SV2C: variants seen among roughly 807,000 people sequenced by gnomAD.
SV2C encodes synaptic vesicle glycoprotein 2C, also known as solute carrier family 22 member B3.
Under a neutral mutation model 79.7 loss-of-function variants are expected in SV2C, and 49 were observed. The observed-to-expected ratio is 0.61, with a 90% CI of 0.49 to 0.78. The LOEUF is 0.78. SV2C is among the 30% of genes least tolerant of loss of function. The probability of loss-of-function intolerance (pLI) is 0.00; values close to 1 mark genes in which losing one functional copy is unlikely to be tolerated. For missense variants in SV2C, 833 were observed against 912.9 expected (o/e 0.91, Z 1.13); for synonymous variants, 334 against 333.2 (o/e 1.00, Z -0.03).
chr5:76,033,656 T>A, the SV2C span, among the ~76,000 whole-genome samples: 1 of 152,232 alleles, frequency 6.6e-6, no homozygotes, highest in Non-Finnish European at 1.5e-5. Flanking sequence ...TGTAGCCTTG[T>A]AGTATAGTTT....
chr5:75,986,168 C>G, the SV2C span, among the ~76,000 whole-genome samples: 1 of 150,158 alleles, frequency 6.7e-6, no homozygotes, highest in Non-Finnish European at 1.5e-5. Flanking sequence ...GCTTCTAATC[C>G]CAGAACCTGT....
chr5:76,261,874 T>C (rs1746482087), intron 4 of SV2C, among the ~76,000 whole-genome samples: 1 of 152,242 alleles, frequency 6.6e-6, no homozygotes, highest in Non-Finnish European at 1.5e-5. Flanking sequence ...TTTGAATCGA[T>C]GTTCATCAGG....
the SV2C span, among the ~76,000 whole-genome samples, chr5:75,995,837 A>T: frequency 6.6e-6 from 1 of 151,322 alleles, no homozygotes; most frequent in Non-Finnish European, 1.5e-5. Flanking sequence ...CTGATTTTTC[A>T]TACATCTTCC....
At chr5:76,187,471 A>G (rs1054599957) in intron 2 of SV2C, among the ~76,000 whole-genome samples, 1 of 152,198 alleles carries the variant, frequency 6.6e-6, no homozygotes, top group Non-Finnish European at 1.5e-5. Flanking sequence ...AGTCAAAGAT[A>G]TGCTATAGAC....
intron 1 of SV2C, among the ~76,000 whole-genome samples, chr5:76,085,826 T>TACACACACACACACACACAC (rs34074817): frequency 0.038 from 5,434 of 141,808 alleles, 158 homozygotes; most frequent in Non-Finnish European, 0.04. Flanking sequence ...ACAAAGCCCC[T>TACACACACACACACACACAC]ACACACACAC....
At chr5:76,104,079 A>G (rs1194723306) in intron 1 of SV2C, among the ~76,000 whole-genome samples, 1 of 152,212 alleles carries the variant, frequency 6.6e-6, no homozygotes, top group African/African-American at 2.4e-5. Flanking sequence ...TTCTTAGGTG[A>G]CTTTAACTCA....
chr5:75,891,927 G>A, the SV2C span, among the ~76,000 whole-genome samples: 3 of 151,974 alleles, frequency 2.0e-5, no homozygotes, highest in East Asian at 5.8e-4. Flanking sequence ...AATGGTCCCT[G>A]GTCCATTAAA....
the SV2C span, among the ~76,000 whole-genome samples, chr5:75,997,599 A>G: frequency 6.6e-6 from 1 of 152,224 alleles, no homozygotes; most frequent in Non-Finnish European, 1.5e-5. Context: ...AATGCTCATC[A>G]TCACTGGCCA....
intron 12 of SV2C, among the ~76,000 whole-genome samples, chr5:76,322,509 C>T (rs1181085694): frequency 6.6e-6 from 1 of 152,200 alleles, no homozygotes; most frequent in East Asian, 1.9e-4. Flanking sequence ...CTACCATTGA[C>T]ATTCTTCACA....
chr5:76,180,732 G>A (rs551411709), intron 2 of SV2C, among the ~76,000 whole-genome samples: 8 of 152,202 alleles, frequency 5.3e-5, no homozygotes, highest in East Asian at 1.9e-4. Context: ...CTTCCAGGAC[G>A]GGCCCAAAGG....
intron 12 of SV2C, among the ~76,000 whole-genome samples, chr5:76,343,743 G>A (rs1036280915): frequency 6.6e-6 from 1 of 152,220 alleles, no homozygotes; most frequent in Non-Finnish European, 1.5e-5. Context: ...AACAAGGTTT[G>A]TAGCAGCTGG....
the SV2C span, among the ~76,000 whole-genome samples, chr5:76,051,981 T>C: frequency 3.3e-5 from 5 of 152,268 alleles, no homozygotes; most frequent in East Asian, 7.7e-4. Flanking sequence ...AAGTAATAGA[T>C]CAATTTATTT....
the SV2C span, among the ~76,000 whole-genome samples, chr5:75,998,324 T>C: frequency 6.8e-6 from 1 of 146,108 alleles, no homozygotes; most frequent in South Asian, 2.1e-4. Context: ...ACATGTACCC[T>C]AAAACTTAAA....
chr5:76,158,442 C>T (rs1424394657), intron 2 of SV2C, among the ~76,000 whole-genome samples: 1 of 150,318 alleles, frequency 6.7e-6, no homozygotes, highest in Non-Finnish European at 1.5e-5. Context: ...AAAAAGTTAC[C>T]AAAGGTAAAG....
intron 1 of SV2C, among the ~76,000 whole-genome samples, chr5:76,101,874 A>G (rs1414465152): frequency 6.6e-6 from 1 of 152,144 alleles, no homozygotes; most frequent in Non-Finnish European, 1.5e-5. Context: ...GAGGACATTG[A>G]GACAGAGTAG....
chr5:75,960,256 G>A, the SV2C span, among the ~76,000 whole-genome samples: 2 of 151,922 alleles, frequency 1.3e-5, no homozygotes, highest in Non-Finnish European at 2.9e-5. Context: ...GTTAACACAA[G>A]TGCCTGACAC....
chr5:76,290,320 A>G (rs1372220832), intron 6 of SV2C, among the ~76,000 whole-genome samples: 1 of 152,110 alleles, frequency 6.6e-6, no homozygotes, highest in African/African-American at 2.4e-5. Context: ...AGGTACCTGT[A>G]CTCTGCCAAT....
chr5:76,312,025 T>C (rs1483139558), intron 12 of SV2C, among the ~76,000 whole-genome samples: 2 of 152,230 alleles, frequency 1.3e-5, no homozygotes, highest in East Asian at 3.8e-4. Flanking sequence ...ATGGATTTTT[T>C]CCATCCATCA....
At chr5:75,853,035 A>C in the SV2C span, among the ~76,000 whole-genome samples, 1,483 of 152,212 alleles carry the variant, frequency 9.7e-3, 24 homozygotes, top group African/African-American at 0.033. Context: ...TAAATACATA[A>C]TAAATATATC....
Sources: gnomAD v4.1 joint callset for allele counts (sites outside exome capture counted in the v4.1 genomes callset) on GRCh38, gnomAD v4.1.1 for gene constraint, MANE v1.5 for transcripts, NCBI Gene and HGNC (gene_info 2026-07-23, HGNC 2026-07-21) for gene names.